Variants in MCF2L observed in about 807,000 individuals in gnomAD.
MCF2L encodes the protein guanine nucleotide exchange factor DBS.
A neutral mutation model predicts 153.4 loss-of-function variants in MCF2L; 97 were observed. That is an observed-to-expected ratio of 0.63 (90% confidence interval 0.54 to 0.75). The LOEUF (loss-of-function observed/expected upper bound fraction) is 0.75, where lower values mean the gene tolerates loss of function less well. Among genes scored for constraint, MCF2L ranks in the 30% least tolerant of loss-of-function variants. The probability of loss-of-function intolerance (pLI) is 0.00; values close to 1 mark genes in which losing one functional copy is unlikely to be tolerated. For missense variants in MCF2L, 1,347 were observed against 1,495.2 expected (o/e 0.90, Z 1.64); for synonymous variants, 659 against 632.2 (o/e 1.04, Z -0.64).
Position 113,045,249 on chromosome 13 carries a change from C to A in MCF2L, c.279-22C>A. ...GCTTCCCACCTGCACACATTAACGG[C>A]GGCGTCTCTTCCTCACTGCAGCCTG... is the stretch of plus-strand genomic sequence containing the variant. On this transcript the variant is annotated intron_variant, in intron 3 of 29. Transcript: ENST00000535094. This position sits in a 1 kb window ranked among gnomAD's most constrained non-coding sequence, Gnocchi z 4.2. The A allele has an allele frequency of 2.5e-6, 4 of 1,593,876 alleles. No homozygotes were observed. Among genetic ancestry groups the A allele is most frequent in the Non-Finnish European group, 2.6e-6 (3 of 1,161,894 alleles).
intron 1 of MCF2L, among the ~76,000 whole-genome samples, chr13:112,976,188 G>A (rs2082207762): frequency 7.5e-6 from 1 of 132,944 alleles, no homozygotes; most frequent in Admixed American, 7.2e-5. Context: ...GTGTGTGTGT[G>A]TGCGTGTGTG....
intron 1 of MCF2L, among the ~76,000 whole-genome samples, chr13:113,005,599 T>C (rs2083643456): frequency 1.3e-5 from 2 of 152,092 alleles, no homozygotes; most frequent in Non-Finnish European, 1.5e-5. Flanking sequence ...GTGGTGACCA[T>C]GGTTGGTTCT....
rs1437505955 is a variant in MCF2L, at chr13:113,076,879, C to G, written c.1501-173C>G. 3.9e-5 allele frequency among the ~76,000 whole-genome samples: 6 copies of G among 152,280 alleles called. No homozygotes were observed. In the East Asian group the frequency reaches 1.2e-3, roughly 29 times the overall value. Reference sequence around the variant, plus strand: ...CGTCCCGTGTGGGGGCTGCATCCCCCTCTCCGTCCGTAGTGGCCAGGGCTG... The same window carrying G: ...CGTCCCGTGTGGGGGCTGCATCCCCGTCTCCGTCCGTAGTGGCCAGGGCTG... On this transcript the variant is annotated intron_variant, in intron 12 of 29. Coordinates refer to ENST00000535094, the MANE Select transcript of MCF2L (RefSeq NM_001112732.3).
chr13:113,093,582 TC>T (rs34958299), intron 26 of MCF2L: 100,817 of 152,196 alleles, frequency 0.66, 33,849 homozygotes, highest in Admixed American at 0.72. Context: ...TCCTCTGTCC[TC>T]CCCATGCCCC....
At chr13:113,061,686 CCCCTCCCCTCCCCTCCCCCTTG>C (rs2031440594) in intron 5 of MCF2L, among the ~76,000 whole-genome samples, 2 of 108,386 alleles carry the variant, frequency 1.8e-5, no homozygotes, top group South Asian at 8.9e-4. Flanking sequence ...CTGCCCCCTT[CCCCTCCCCTCCCCTCCCCCTTG>C]CCCTCCCCTC....
In MCF2L at chr13:113,053,155, A is replaced by G. The variant is rs1171574634; in HGVS notation, c.370-7438A>G. Among the ~76,000 whole-genome samples the G allele has an allele frequency of 2.0e-5, 3 of 152,148 alleles. No individual in the cohort carries two copies. The highest frequency in any genetic ancestry group is 2.1e-4 in the South Asian group (1 of 4,834). On this transcript the variant is annotated intron_variant, in intron 4 of 29. Transcript: ENST00000535094. This position sits in a 1 kb window ranked among gnomAD's most constrained non-coding sequence, Gnocchi z 4.4. ...TCTGCATAACCACAGGCGAGTCTGC[A>G]TCGCGGCCACACTGCCCTCTGGATG...
At chr13:113,024,354 A>G (rs1566753708) in intron 2 of MCF2L, among the ~76,000 whole-genome samples, 2 of 152,092 alleles carry the variant, frequency 1.3e-5, no homozygotes, top group Admixed American at 6.5e-5. Context: ...AACAAGGTTA[A>G]AAAAGCCCAT....
chr13:113,090,649 G>A (rs539431384), intron 26 of MCF2L: 62 of 985,464 alleles, frequency 6.3e-5, no homozygotes, highest in Non-Finnish European at 6.7e-5. Flanking sequence ...AATACATGGC[G>A]GGGAAATGGG....
In MCF2L at chr13:113,070,192, A is replaced by C. The variant is rs759470862; in HGVS notation, c.996+19A>C. On this transcript the variant is annotated intron_variant, in intron 9 of 29. Transcript: ENST00000535094. The surrounding 1 kb of genome is among the most constrained non-coding windows in gnomAD (Gnocchi z 5.6). ...CCGGGAGGTGAGTGGCCCTGGGTGG[A>C]GCCGGCAGCCGCCCTGATGCTCACG... The C allele has an allele frequency of 6.6e-7, 1 of 1,526,228 alleles. No homozygotes were observed. The highest frequency in any genetic ancestry group is 8.9e-7 in the Non-Finnish European group (1 of 1,129,932). 94.5% of individuals were successfully genotyped at this position (1,526,228 alleles called of 1,614,324 possible). A position where few individuals can be genotyped will look rare whatever the true frequency, so the allele number is the denominator to read the frequency against.
chr13:113,083,196 G>A (rs764580773), intron 17 of MCF2L, among the ~76,000 whole-genome samples: 4 of 152,142 alleles, frequency 2.6e-5, no homozygotes, highest in African/African-American at 4.8e-5. Flanking sequence ...GACAGCCCCC[G>A]CTGCGTGTCC....
In MCF2L at chr13:113,077,171, C is replaced by G; in HGVS notation, c.1620C>G (p.Pro540=). 6.2e-7 allele frequency: 1 copy of G among 1,608,084 alleles called. No homozygotes were observed. The highest frequency in any genetic ancestry group is 8.5e-7 in the Non-Finnish European group (1 of 1,177,508). Residue 540 remains proline, a synonymous_variant, in exon 13 of 30, where the codon CCC becomes CCG. Coordinates refer to ENST00000535094, the MANE Select transcript of MCF2L (RefSeq NM_001112732.3). ...CGCGGCCCGTGCAGCCGGTGGCCCC[C>G]AGACCCGAGGCACTGGCAAAGTCGC... ...RQTRPVQPVA[P]RPEALAKSPC...
At chr13:113,019,532 C>T (rs1320218577) in intron 2 of MCF2L, among the ~76,000 whole-genome samples, 1 of 152,166 alleles carries the variant, frequency 6.6e-6, no homozygotes, top group Non-Finnish European at 1.5e-5. Flanking sequence ...GGGTGTTCTG[C>T]GGAGAATCAA....
At chr13:112,936,737 A>G (rs2081518983) in intron 2 of MCF2L, among the ~76,000 whole-genome samples, 2 of 152,204 alleles carry the variant, frequency 1.3e-5, no homozygotes, top group African/African-American at 2.4e-5. Context: ...TTTCATAACA[A>G]TGGAGTGTAG....
At chr13:113,026,930 G>T in intron 3 of MCF2L, 1 of 774,806 alleles carries the variant, frequency 1.3e-6, no homozygotes. Flanking sequence ...GGGGTGCCGC[G>T]GGGGTCTCTC....
At chr13:113,040,799 G>A (rs1320828734) in intron 3 of MCF2L, 1 of 152,244 alleles carries the variant, frequency 6.6e-6, no homozygotes, top group Non-Finnish European at 1.5e-5. Flanking sequence ...TCTGCTTGCA[G>A]ACCATCCCTC....
chr13:113,042,282 G>A (rs1445949254), intron 3 of MCF2L: 2 of 152,230 alleles, frequency 1.3e-5, no homozygotes, highest in Admixed American at 1.3e-4. Flanking sequence ...GCAGCTGAGC[G>A]ACAGTGACTG....
intron 3 of MCF2L, chr13:113,044,856 C>A (rs755910872): frequency 1.9e-6 from 3 of 1,612,916 alleles, no homozygotes; most frequent in Non-Finnish European, 2.5e-6. Flanking sequence ...CGTGGACCAG[C>A]ACGGGCACCT....
chr13:113,060,061 G>A (rs1211625259), intron 4 of MCF2L, among the ~76,000 whole-genome samples: 1 of 152,208 alleles, frequency 6.6e-6, no homozygotes, highest in South Asian at 2.1e-4. Flanking sequence ...GCTATGGGGA[G>A]CGTCTCTCTG....
chr13:113,085,022 T>C, intron 19 of MCF2L, 38 bp downstream of exon 19: 3 of 1,612,114 alleles, frequency 1.9e-6, no homozygotes, highest in Non-Finnish European at 8.5e-7. Flanking sequence ...GTTACTCCCT[T>C]TCCTAGCCGA....
Sources: allele counts gnomAD v4.1 joint callset (sites outside exome capture counted in the v4.1 genomes callset), GRCh38; gene constraint gnomAD v4.1.1; non-coding constraint Gnocchi (gnomAD v3.1); transcripts MANE v1.5; gene names NCBI Gene and HGNC (gene_info 2026-07-23, HGNC 2026-07-21).